Variants in TMTC2 observed in about 807,000 individuals in gnomAD.
The protein encoded by TMTC2 is transmembrane O-mannosyltransferase targeting cadherins 2, also known as protein O-mannosyl-transferase TMTC2.
A neutral mutation model predicts 82.4 loss-of-function variants in TMTC2; 43 were observed. The observed-to-expected ratio is 0.52, with a 90% CI of 0.41 to 0.67. TMTC2 has a LOEUF of 0.67. TMTC2 is among the 30% of genes least tolerant of loss of function. The pLI is 0.00. For missense variants in TMTC2, 919 were observed against 1,012.4 expected (o/e 0.91, Z 1.25); for synonymous variants, 408 against 381.9 (o/e 1.07, Z -0.80).
chr12:82,963,839 ATATATATATATG>A (rs1878063228), intron 4 of TMTC2, among the ~76,000 whole-genome samples: 3 of 99,926 alleles, frequency 3.0e-5, no homozygotes, highest in African/African-American at 4.8e-5. Context: ...ATATATATAT[ATATATATATATG>A]TGAAAGTGAT....
At chr12:82,991,981 C>G (rs1048713460) in intron 8 of TMTC2, among the ~76,000 whole-genome samples, 1 of 152,090 alleles carries the variant, frequency 6.6e-6, no homozygotes, top group African/African-American at 2.4e-5. Flanking sequence ...GCTTATTTTC[C>G]AGATTCAGGT....
chr12:83,079,536 C>G (rs1308360684), intron 11 of TMTC2, among the ~76,000 whole-genome samples: 1 of 151,958 alleles, frequency 6.6e-6, no homozygotes, highest in South Asian at 2.1e-4. Context: ...TAGATTTTAC[C>G]TTCTACAACT....
At chr12:82,915,532 C>T (rs1375065864) in intron 3 of TMTC2, among the ~76,000 whole-genome samples, 2 of 152,128 alleles carry the variant, frequency 1.3e-5, no homozygotes, top group African/African-American at 2.4e-5. Context: ...CCTCGGGCCT[C>T]GGGCCATTAG....
rs760800302 is a variant in TMTC2, at chr12:82,857,307, C to T, written c.381C>T (p.Pro127=). 2 of 1,614,072 alleles carry T rather than the reference C, an allele frequency of 1.2e-6. No individual in the cohort carries two copies. The highest frequency in any genetic ancestry group is 1.3e-5 in the African/African-American group (1 of 74,928). ...CTGGCTTGATGTTTGCTTCTCACCC[C>T]ATTCACACGGAGGCAGTGGCAGGAA... The part of the protein sequence containing the change: ...FMAGLMFASH[P]IHTEAVAGIV... The change falls in exon 2 of 12, where the codon CCC becomes CCT. Residue 127 remains proline (P), a synonymous_variant. Transcript: ENST00000321196.
At chr12:82,703,682 G>T (rs1439997344) in intron 1 of TMTC2, among the ~76,000 whole-genome samples, 1 of 151,744 alleles carries the variant, frequency 6.6e-6, no homozygotes, top group Non-Finnish European at 1.5e-5. Context: ...CTATTTTTTG[G>T]TAGAGACGGG....
chr12:83,051,822 G>GC (rs1207351160), intron 10 of TMTC2, among the ~76,000 whole-genome samples: 2 of 151,924 alleles, frequency 1.3e-5, no homozygotes, highest in African/African-American at 2.4e-5. Flanking sequence ...TACAATGAGA[G>GC]CAAAAAAACT....
intron 3 of TMTC2, among the ~76,000 whole-genome samples, chr12:82,909,377 T>C (rs1003654479): frequency 2.0e-5 from 3 of 152,190 alleles, no homozygotes; most frequent in Non-Finnish European, 4.4e-5. Context: ...TCTCACTCTG[T>C]CGCCCAGGCT....
intron 1 of TMTC2, among the ~76,000 whole-genome samples, chr12:82,735,416 G>T (rs1467449094): frequency 1.3e-5 from 2 of 151,430 alleles, no homozygotes; most frequent in Admixed American, 1.3e-4. Flanking sequence ...CGCGATCTCG[G>T]CTCACTGCAA....
chr12:83,079,869 T>C (rs1440107971), intron 11 of TMTC2, among the ~76,000 whole-genome samples: 1 of 152,184 alleles, frequency 6.6e-6, no homozygotes, highest in African/African-American at 2.4e-5. Context: ...TTACCTATAT[T>C]GAGTTACCAT....
intron 1 of TMTC2, among the ~76,000 whole-genome samples, chr12:82,813,918 A>G (rs1040206691): frequency 1.3e-5 from 2 of 152,114 alleles, no homozygotes; most frequent in Non-Finnish European, 2.9e-5. Context: ...TCTGGTTTTA[A>G]TGTTATGTTT....
At chr12:82,914,839 T>A (rs1304856716) in intron 3 of TMTC2, among the ~76,000 whole-genome samples, 8 of 149,144 alleles carry the variant, frequency 5.4e-5, no homozygotes, top group Admixed American at 6.7e-5. Context: ...TTTTTTTTTT[T>A]TTTGAGACGG....
chr12:82,945,190 G>T (rs1876933109), intron 4 of TMTC2, among the ~76,000 whole-genome samples: 1 of 152,132 alleles, frequency 6.6e-6, no homozygotes, highest in Non-Finnish European at 1.5e-5. Flanking sequence ...TTAGAAATTG[G>T]AGCCTGGCAA....
intron 11 of TMTC2, among the ~76,000 whole-genome samples, chr12:83,120,404 T>C (rs1486001266): frequency 1.3e-5 from 2 of 152,330 alleles, no homozygotes; most frequent in African/African-American, 4.8e-5. Context: ...CTTTCCTTCA[T>C]AGACGAATCT....
chr12:82,874,868 C>T (rs1162003802), intron 2 of TMTC2, among the ~76,000 whole-genome samples: 3 of 151,884 alleles, frequency 2.0e-5, no homozygotes, highest in Non-Finnish European at 4.4e-5. Flanking sequence ...AAAAATAATG[C>T]TTTTTAAATA....
intron 1 of TMTC2, among the ~76,000 whole-genome samples, chr12:82,775,961 T>TGAGAGGAAATTATA (rs1877568642): frequency 1.3e-5 from 2 of 152,068 alleles, no homozygotes; most frequent in Non-Finnish European, 2.9e-5. Flanking sequence ...TCTTTCCTTT[T>TGAGAGGAAATTATA]GAGAGGAAAC....
intron 2 of TMTC2, 91 bp downstream of exon 2, chr12:82,857,671 T>C (rs1871331505): frequency 8.2e-7 from 1 of 1,223,018 alleles, no homozygotes; most frequent in Non-Finnish European, 1.1e-6. Flanking sequence ...TTTATTCCTC[T>C]GCAAGCGGAA....
chr12:83,099,446 G>T (rs1884140572), intron 11 of TMTC2, among the ~76,000 whole-genome samples: 1 of 152,146 alleles, frequency 6.6e-6, no homozygotes, highest in Non-Finnish European at 1.5e-5. Context: ...TAGAGCCAAA[G>T]TTTAAGCATA....
rs181874349 is a variant in TMTC2 at position 82,775,069 on chromosome 12, T to C, written c.84-81941T>C. 1.5e-3 allele frequency among the ~76,000 whole-genome samples: 226 copies of C among 152,182 alleles called. 1 individual carries two copies. The highest frequency in any genetic ancestry group is 5.3e-3 in the African/African-American group (220 of 41,516). ...TGTCATTAGTAAACCAGGGTTTATT[T>C]TACTATTAGTAACACAATTTAACCA... On this transcript the variant is annotated intron_variant, in intron 1 of 11. Transcript: ENST00000321196.
At chr12:82,766,860 A>G (rs1876991038) in intron 1 of TMTC2, among the ~76,000 whole-genome samples, 2 of 152,122 alleles carry the variant, frequency 1.3e-5, no homozygotes, top group Non-Finnish European at 2.9e-5. Flanking sequence ...GTGCGGTGGC[A>G]TGATCTCGGC....
Sources: gnomAD v4.1 joint callset for allele counts (sites outside exome capture counted in the v4.1 genomes callset) on GRCh38, gnomAD v4.1.1 for gene constraint, MANE v1.5 for transcripts, NCBI Gene and HGNC (gene_info 2026-07-23, HGNC 2026-07-21) for gene names.